The following TSPAN9 variants were observed in gnomAD, a reference collection of about 807,000 sequenced individuals.
TSPAN9 encodes tetraspanin 9, also known as tetraspanin-9.
Under a neutral mutation model 31.0 loss-of-function variants are expected in TSPAN9, and 16 were observed. That is an observed-to-expected ratio of 0.52 (90% CI 0.35 to 0.78). TSPAN9 has a LOEUF of 0.78. Among genes scored for constraint, TSPAN9 ranks in the 30% least tolerant of loss-of-function variants. The pLI, the probability that TSPAN9 is intolerant of heterozygous loss-of-function variation, is 0.01. For missense variants in TSPAN9, 272 were observed against 312.5 expected, an observed-to-expected ratio of 0.87 and a Z score of 0.98; for synonymous variants, 145 against 121.6, an observed-to-expected ratio of 1.19 and a Z score of -1.27.
chr12:3,253,263 A>G (rs1451440886), intron 3 of TSPAN9, among the ~76,000 whole-genome samples: 2 of 152,268 alleles, frequency 1.3e-5, no homozygotes, highest in Non-Finnish European at 2.9e-5. Context: ...AAAATGCAGT[A>G]AAGATCATTA....
chr12:3,281,393 C>G, intron 7 of TSPAN9, 64 bp downstream of exon 7: 1 of 1,501,658 alleles, frequency 6.7e-7, no homozygotes. Flanking sequence ...GCACGGGGAG[C>G]CCTATAGGGG....
rs114391014 is a variant in TSPAN9 at position 3,278,781 on chromosome 12, G to A, written c.255+169G>A. On this transcript the variant is annotated intron_variant, in intron 4 of 8. Transcript: ENST00000011898. ...ACCACACCCCTCCTCCTCATGGTTGGTTATGCCTACCCCTGGTTGTCCCTC... is the reference window on the plus strand; with the variant it reads ...ACCACACCCCTCCTCCTCATGGTTGATTATGCCTACCCCTGGTTGTCCCTC... 4.3e-3 allele frequency among the ~76,000 whole-genome samples: 654 copies of A among 152,288 alleles called. 6 individuals are homozygous for A. The highest frequency in any genetic ancestry group is 0.015 in the African/African-American group (606 of 41,554).
chr12:3,141,345 G>C (rs967263046), intron 2 of TSPAN9, among the ~76,000 whole-genome samples: 3 of 152,176 alleles, frequency 2.0e-5, no homozygotes, highest in Admixed American at 6.5e-5. Flanking sequence ...GTGACACCCA[G>C]TGGCTTTTCC....
At chr12:3,276,511 C>G (rs1862791256) in intron 3 of TSPAN9, among the ~76,000 whole-genome samples, 1 of 152,204 alleles carries the variant, frequency 6.6e-6, no homozygotes, top group Non-Finnish European at 1.5e-5. Flanking sequence ...CTGCTGTTCT[C>G]TCTGTCTGGA....
intron 2 of TSPAN9, among the ~76,000 whole-genome samples, chr12:3,089,291 C>G (rs1401215332): frequency 2.4e-5 from 3 of 124,000 alleles, no homozygotes; most frequent in African/African-American, 9.4e-5. Context: ...TAGCAGAATT[C>G]AAGGTGAATT....
chr12:3,148,412 C>T (rs2098338274), intron 2 of TSPAN9, among the ~76,000 whole-genome samples: 1 of 152,238 alleles, frequency 6.6e-6, no homozygotes, highest in Non-Finnish European at 1.5e-5. Flanking sequence ...CCCACACTGC[C>T]AGCTCATGGC....
At chr12:3,260,330 G>A (rs143421458) in intron 3 of TSPAN9, among the ~76,000 whole-genome samples, 1 of 152,338 alleles carries the variant, frequency 6.6e-6, no homozygotes, top group African/African-American at 2.4e-5. Flanking sequence ...CCTTGGGGTG[G>A]GGATGCAGGT....
At chr12:3,152,580 G>A (rs2098340353) in intron 2 of TSPAN9, among the ~76,000 whole-genome samples, 1 of 149,860 alleles carries the variant, frequency 6.7e-6, no homozygotes, top group South Asian at 2.1e-4. Flanking sequence ...TCAGAGCCCC[G>A]TTCTTTTCTT....
At chr12:3,205,892 G>A (rs1480046771) in intron 3 of TSPAN9, among the ~76,000 whole-genome samples, 1 of 151,924 alleles carries the variant, frequency 6.6e-6, no homozygotes, top group African/African-American at 2.4e-5. Flanking sequence ...GGAATGCCAG[G>A]TCTGTGTTCA....
intron 2 of TSPAN9, among the ~76,000 whole-genome samples, chr12:3,185,319 T>G (rs2098360648): frequency 6.6e-6 from 1 of 152,182 alleles, no homozygotes; most frequent in Non-Finnish European, 1.5e-5. Flanking sequence ...TGTTAGCACT[T>G]GGAAGATGGG....
chr12:3,128,649 C>T (rs535008773), intron 2 of TSPAN9, among the ~76,000 whole-genome samples: 1 of 152,298 alleles, frequency 6.6e-6, no homozygotes, highest in Non-Finnish European at 1.5e-5. Context: ...GTCAGGCACC[C>T]CTGCACTCTG....
chr12:3,202,531 C>T (rs2098372547), intron 3 of TSPAN9, among the ~76,000 whole-genome samples: 1 of 152,142 alleles, frequency 6.6e-6, no homozygotes, highest in Non-Finnish European at 1.5e-5. Context: ...TCTTGTGTGA[C>T]CTTGGGCAAA....
intron 3 of TSPAN9, among the ~76,000 whole-genome samples, chr12:3,268,638 G>A (rs1304561455): frequency 9.6e-4 from 113 of 118,254 alleles, no homozygotes; most frequent in Non-Finnish European, 1.5e-3. Flanking sequence ...CCCTCTGTGC[G>A]TTCCTGCAGC....
intron 2 of TSPAN9, among the ~76,000 whole-genome samples, chr12:3,131,790 A>G (rs2098329927): frequency 6.6e-6 from 1 of 152,220 alleles, no homozygotes; most frequent in Non-Finnish European, 1.5e-5. Flanking sequence ...TACATACAAA[A>G]TATATCATTA....
intron 2 of TSPAN9, among the ~76,000 whole-genome samples, chr12:3,116,745 CCGGGAGCGCGCGCCTGCCCTGT>C (rs955844593): frequency 6.6e-6 from 1 of 152,218 alleles, no homozygotes; most frequent in Admixed American, 6.5e-5. Flanking sequence ...CCGTCAGAGC[CCGGGAGCGCGCGCCTGCCCTGT>C]CGTCCGCATG....
intron 2 of TSPAN9, among the ~76,000 whole-genome samples, chr12:3,089,450 C>T (rs1347645244): frequency 1.3e-5 from 2 of 151,254 alleles, no homozygotes; most frequent in African/African-American, 2.4e-5. Context: ...GCATGTGCCA[C>T]CACGCCTGGC....
chr12:3,141,270 C>T (rs2098334716), intron 2 of TSPAN9, among the ~76,000 whole-genome samples: 1 of 152,128 alleles, frequency 6.6e-6, no homozygotes, highest in Non-Finnish European at 1.5e-5. Context: ...CTCAGCTTCC[C>T]CAACTCTCTC....
intron 2 of TSPAN9, among the ~76,000 whole-genome samples, chr12:3,102,797 C>T (rs1486207068): frequency 6.6e-6 from 1 of 152,140 alleles, no homozygotes; most frequent in East Asian, 1.9e-4. Context: ...TAAATAATAA[C>T]ATGTTGCATA....
intron 2 of TSPAN9, among the ~76,000 whole-genome samples, chr12:3,124,223 A>G (rs977098947): frequency 5.3e-5 from 8 of 152,234 alleles, no homozygotes; most frequent in African/African-American, 1.9e-4. Flanking sequence ...CTAGAGTTGC[A>G]AAAATGCAAC....
Sources: allele counts gnomAD v4.1 joint callset (sites outside exome capture counted in the v4.1 genomes callset), GRCh38; gene constraint gnomAD v4.1.1; transcripts MANE v1.5; gene names NCBI Gene and HGNC (gene_info 2026-07-23, HGNC 2026-07-21).